The following PLEKHG5 variants were observed in gnomAD, a reference collection of about 807,000 sequenced individuals.
PLEKHG5 encodes the protein pleckstrin homology and RhoGEF domain containing G5, also known as pleckstrin homology domain-containing family G member 5.
PLEKHG5 carries 52 observed loss-of-function variants against 103.8 expected under a neutral mutation model. That is an observed-to-expected ratio of 0.50 (90% confidence interval 0.40 to 0.63). The LOEUF is 0.63. Ranked by LOEUF, PLEKHG5 falls within the 30% of genes least tolerant of loss-of-function variation. The probability of loss-of-function intolerance (pLI) is 0.00; values close to 1 mark genes in which losing one functional copy is unlikely to be tolerated. For missense variants in PLEKHG5, 1,205 were observed against 1,347.6 expected (o/e 0.89, Z 1.66); for synonymous variants, 592 against 575.5 (o/e 1.03, Z -0.41).
upstream of PLEKHG5, among the ~76,000 whole-genome samples, chr1:6,501,636 CTGAGGCG>C (rs376984138): frequency 2.1e-3 from 315 of 152,318 alleles, 1 homozygote; most frequent in African/African-American, 7.1e-3. The surrounding 1 kb of genome is among the most constrained non-coding windows in gnomAD (Gnocchi z 4.3). Context: ...GATGAGGAAA[CTGAGGCG>C]TGGAGGGTAG....
chr1:6,493,176 C>T (rs953608391), upstream of PLEKHG5, among the ~76,000 whole-genome samples: 23 of 152,178 alleles, frequency 1.5e-4, no homozygotes, highest in Non-Finnish European at 3.1e-4. Context: ...CCGAAGGGTC[C>T]AGCCCTGCCT....
Position 6,471,621 on chromosome 1 carries a change from A to C in PLEKHG5, c.1148T>G (p.Leu383Arg). The C allele has an allele frequency of 6.3e-7, 1 of 1,590,304 alleles. No homozygotes were observed. The highest frequency in any genetic ancestry group is 8.6e-7 in the Non-Finnish European group (1 of 1,169,228). ...GLLCEVEAER[L>R]FSNIPEIAQL... The stretch of plus-strand genomic sequence containing the variant: ...CGCGATCTCCGGGATGTTGCTGAAC[A>C]GGCGCTCCGCCTCCACCTGGGCGCG... The change falls in exon 12 of 21, where the codon CTG (leucine) becomes CGG (arginine). Residue 383 changes from leucine (L) to arginine (R), a missense_variant. By Grantham distance (102) the Leu-to-Arg change is moderately radical (BLOSUM62 -2). Coordinates refer to ENST00000377728, the MANE Select transcript of PLEKHG5 (RefSeq NM_020631.6).
At chr1:6,498,668 G>C (rs571326783), upstream of PLEKHG5, among the ~76,000 whole-genome samples, 10 of 152,242 alleles carry the variant, frequency 6.6e-5, no homozygotes, top group South Asian at 1.5e-3. Flanking sequence ...CAGGCACCCC[G>C]GGGGCCTCCA....
intron 1 of PLEKHG5, among the ~76,000 whole-genome samples, chr1:6,517,349 A>G (rs1245654636): frequency 6.6e-6 from 1 of 151,588 alleles, no homozygotes; most frequent in Non-Finnish European, 1.5e-5. Flanking sequence ...ATATGCTGAG[A>G]ATAGGTGACC....
chr1:6,499,649 A>G (rs1425197401), upstream of PLEKHG5, among the ~76,000 whole-genome samples: 1 of 152,132 alleles, frequency 6.6e-6, no homozygotes, highest in African/African-American at 2.4e-5. Context: ...CAGGACAAGC[A>G]GTCCCCACCA....
chr1:6,503,916 A>G (rs1638223942), intron 1 of PLEKHG5, among the ~76,000 whole-genome samples: 1 of 152,048 alleles, frequency 6.6e-6, no homozygotes, highest in Admixed American at 6.5e-5. Context: ...GGGAGGGACC[A>G]GCAGGATGAC....
Position 6,491,373 on chromosome 1 carries a change from G to C in PLEKHG5, c.-88+264C>G, listed in dbSNP as rs1010601116. Among the ~76,000 whole-genome samples, 4 of 152,078 alleles carry C rather than the reference G, an allele frequency of 2.6e-5. No individual in the cohort carries two copies. The highest frequency in any genetic ancestry group is 1.9e-4 in the East Asian group (1 of 5,186). ...ACCCTTGGGGCTGGGCCTATACTAG[G>C]GCAGCTCCTGGCTGGGCCAGGGATC... On this transcript the variant is annotated intron_variant, in intron 1 of 20. Coordinates refer to ENST00000377728, the MANE Select transcript of PLEKHG5 (RefSeq NM_020631.6). The surrounding 1 kb of genome is among the most constrained non-coding windows in gnomAD (Gnocchi z 4.1).
intron 1 of PLEKHG5, among the ~76,000 whole-genome samples, chr1:6,482,227 C>T (rs1333727491): frequency 1.3e-5 from 2 of 152,200 alleles, no homozygotes; most frequent in Non-Finnish European, 2.9e-5. Context: ...CAGCACCTGA[C>T]AGGTCACATA....
chr1:6,467,863 G>A lies in PLEKHG5; in HGVS notation c.2973C>T (p.Ile991=). The A allele has an allele frequency of 6.2e-7, 1 of 1,613,008 alleles. No homozygotes were observed. Among genetic ancestry groups the A allele is most frequent in the Non-Finnish European group, 8.5e-7 (1 of 1,179,754 alleles). ...RKLTLAQLYR[I]RTTLLLNSTL... The stretch of plus-strand genomic sequence containing the variant: ...TGGAGTTAAGCAGCAGGGTGGTCCT[G>A]ATTCGGTAGAGCTGGGCCAGGGTCA... The change falls in exon 20 of 21, where the codon ATC becomes ATT. Residue 991 remains isoleucine, a synonymous_variant. Transcript: ENST00000377728.
chr1:6,476,117 CCT>C (rs1644760415), intron 2 of PLEKHG5, 81 bp from the exon 3 acceptor site: 18 of 1,167,182 alleles, frequency 1.5e-5, no homozygotes. Context: ...GGGACCACAG[CCT>C]GTTACCCTGG....
At position 6,471,118 on chromosome 1, in the gene PLEKHG5, A is replaced by AC. The variant is rs1644571513; in HGVS notation, c.1282-19_1282-18insG. ...GAGCCGAACTGGCCCGGGGCAGAAC[A>AC]ACCACGGCGCCGGTTACCGCGCGCT... On this transcript the variant is annotated intron_variant, in intron 12 of 20. Coordinates refer to ENST00000377728, the MANE Select transcript of PLEKHG5 (RefSeq NM_020631.6). 1 of 1,556,086 alleles carries AC rather than the reference A, an allele frequency of 6.4e-7. No individual in the cohort carries two copies. Among genetic ancestry groups the AC allele is most frequent in the African/African-American group, 1.4e-5 (1 of 73,146 alleles).
rs1645048974 is a variant in PLEKHG5 at position 6,486,806 on chromosome 1, C to CAT, written c.-88+4830_-88+4831insAT. Reference sequence around the variant, plus strand: ...TGGGGGATAAAGTGACATAAAGAGACAAAAGTCTACAGGCAAGACTGAAAC... The same window carrying CAT: ...TGGGGGATAAAGTGACATAAAGAGACATAAAAGTCTACAGGCAAGACTGAAAC... On this transcript the variant is annotated intron_variant, in intron 1 of 20. Transcript: ENST00000377728. This position sits in a 1 kb window ranked among gnomAD's most constrained non-coding sequence, Gnocchi z 5.3. Among the ~76,000 whole-genome samples the CAT allele has an allele frequency of 6.6e-6, 1 of 152,218 alleles. No homozygotes were observed. The highest frequency in any genetic ancestry group is 2.1e-4 in the South Asian group (1 of 4,836).
In PLEKHG5 at chr1:6,471,468, G is replaced by C; in HGVS notation, c.1281+20C>G. ...CAGCCCTGCCTCAGTGCCCCCGCCT[G>C]CGCCCGGCCCCGCCCGTACCATCTT... On this transcript the variant is annotated intron_variant, in intron 12 of 20. Transcript: ENST00000377728. 1 of 1,606,462 alleles carries C rather than the reference G, an allele frequency of 6.2e-7. No individual in the cohort carries two copies. Among genetic ancestry groups the C allele is most frequent in the Non-Finnish European group, 8.5e-7 (1 of 1,177,270 alleles).
Position 6,468,487 on chromosome 1 carries a change from C to T in PLEKHG5, c.2349G>A (p.Gln783=). The T allele has an allele frequency of 6.2e-7, 1 of 1,613,118 alleles. No homozygotes were observed. Among genetic ancestry groups the T allele is most frequent in the Non-Finnish European group, 8.5e-7 (1 of 1,179,980 alleles). The change falls in exon 20 of 21, where the codon CAG becomes CAA. Residue 783 remains glutamine (Q), a synonymous_variant. Coordinates refer to ENST00000377728, the MANE Select transcript of PLEKHG5 (RefSeq NM_020631.6). ...PEFDSGPFSS[Q]SDETSLSTTA... is the part of the protein sequence containing the mutation. ...TGGTGCTGAGAGAGGTCTCATCAGACTGGGAGCTGAAAGGACCGCTGTCGA... is the reference window on the plus strand; with the variant it reads ...TGGTGCTGAGAGAGGTCTCATCAGATTGGGAGCTGAAAGGACCGCTGTCGA...
intron 1 of PLEKHG5, among the ~76,000 whole-genome samples, chr1:6,481,592 G>A (rs1354150853): frequency 1.3e-5 from 2 of 150,134 alleles, no homozygotes; most frequent in Admixed American, 6.6e-5. Flanking sequence ...GGCCAGGCGC[G>A]GTGGCTCATG....
rs766649134 is a variant in PLEKHG5 at position 6,477,622 on chromosome 1, G to A, written c.-51C>T. The A allele has an allele frequency of 8.1e-6, 13 of 1,609,220 alleles. No individual in the cohort carries two copies. The highest frequency in any genetic ancestry group is 2.2e-5 in the East Asian group (1 of 44,876). ...GCCTCGCAGAGGTTGAGGGGCCCCC[G>A]GCGGTGCAGCTGCTGGCAGTCGGCG... is the stretch of plus-strand genomic sequence containing the variant. On this transcript the variant is annotated 5_prime_UTR_variant, in exon 2 of 21. Coordinates refer to ENST00000377728, the MANE Select transcript of PLEKHG5 (RefSeq NM_020631.6).
In PLEKHG5 at chr1:6,468,508, G is replaced by C; in HGVS notation, c.2328C>G (p.Asp776Glu). The C allele has an allele frequency of 6.2e-7, 1 of 1,613,040 alleles. No individual in the cohort carries two copies. Among genetic ancestry groups the C allele is most frequent in the Non-Finnish European group, 8.5e-7 (1 of 1,179,944 alleles). The change falls in exon 20 of 21, where the codon GAC becomes GAG. Residue 776 changes from aspartate (D) to glutamate (E), a missense_variant. By Grantham distance (45) the Asp-to-Glu change is conservative. Transcript: ENST00000377728. Reference protein sequence around the residue: ...PGDTLSSPEFDSGPFSSQSDE... With the variant: ...PGDTLSSPEFESGPFSSQSDE... ...CAGACTGGGAGCTGAAAGGACCGCT[G>C]TCGAACTCGGGGGAGGACAGCGTGT... is the stretch of plus-strand genomic sequence containing the variant.
At chr1:6,517,000 C>T (rs1638644639) in intron 1 of PLEKHG5, among the ~76,000 whole-genome samples, 1 of 150,744 alleles carries the variant, frequency 6.6e-6, no homozygotes, top group Admixed American at 6.6e-5. Flanking sequence ...ATAATCTCAG[C>T]ACTCTGGGAA....
chr1:6,473,180 A>C lies in PLEKHG5; in HGVS notation c.796-6T>G, dbSNP rs1048008707. On this transcript the variant is annotated splice_region_variant and splice_polypyrimidine_tract_variant and intron_variant, in intron 8 of 20. Coordinates refer to ENST00000377728, the MANE Select transcript of PLEKHG5 (RefSeq NM_020631.6). ...TGCTCCATCTTGTCTACCTCCTGGA[A>C]AGATACCCTGGTCAGGGTCAGGGGT... The C allele has an allele frequency of 6.2e-7, 1 of 1,613,548 alleles. No homozygotes were observed. Among genetic ancestry groups the C allele is most frequent in the African/African-American group, 1.3e-5 (1 of 74,936 alleles).
Sources: allele counts gnomAD v4.1 joint callset (sites outside exome capture counted in the v4.1 genomes callset), GRCh38; gene constraint gnomAD v4.1.1; non-coding constraint Gnocchi (gnomAD v3.1); transcripts MANE v1.5; gene names NCBI Gene and HGNC (gene_info 2026-07-23, HGNC 2026-07-21).